The following JADE2 variants were observed in gnomAD, a reference collection of about 807,000 sequenced individuals.
JADE2 encodes jade family PHD finger 2.
In JADE2, 13 loss-of-function variants were observed where a neutral mutation model predicts 85.7. That is an observed-to-expected ratio of 0.15 (90% CI 0.10 to 0.24). The LOEUF is 0.24. Among genes scored for constraint, JADE2 ranks in the 10% least tolerant of loss-of-function variants. The pLI is 1.00. For missense variants in JADE2, 846 were observed against 1,115.9 expected, an observed-to-expected ratio of 0.76 and a Z score of 3.45; for synonymous variants, 440 against 456.1, an observed-to-expected ratio of 0.96 and a Z score of 0.45.
upstream of JADE2, among the ~76,000 whole-genome samples, chr5:134,524,848 C>T (rs765132522): frequency 2.0e-5 from 3 of 152,222 alleles, no homozygotes; most frequent in Non-Finnish European, 4.4e-5. Context: ...GGCCGCGCCC[C>T]CTCCCCAAGA....
chr5:134,554,539 T>A (rs2149946634), intron 4 of JADE2, among the ~76,000 whole-genome samples: 1 of 152,342 alleles, frequency 6.6e-6, no homozygotes, highest in Admixed American at 6.5e-5. Flanking sequence ...TTGGCTTCAG[T>A]CTGCCTGTAG....
At chr5:134,537,314 C>T (rs1761656246) in intron 2 of JADE2, among the ~76,000 whole-genome samples, 1 of 152,234 alleles carries the variant, frequency 6.6e-6, no homozygotes, top group Admixed American at 6.5e-5. Flanking sequence ...TGTCATCCAG[C>T]AAGGGCCTTA....
intron 3 of JADE2, among the ~76,000 whole-genome samples, chr5:134,548,233 A>G (rs1203921605): frequency 6.6e-6 from 1 of 151,666 alleles, no homozygotes; most frequent in South Asian, 2.1e-4. Context: ...TGGAGAAGTC[A>G]CCTGATTTGG....
At position 134,543,039 on chromosome 5, in the gene JADE2, C is replaced by CT. The variant is rs60959964; in HGVS notation, c.153+4969dup. Among the ~76,000 whole-genome samples the CT allele has an allele frequency of 4.3e-3, 609 of 141,234 alleles. 3 individuals carry two copies. Among genetic ancestry groups the CT allele is most frequent in the African/African-American group, 0.012 (467 of 38,480 alleles). The allele number at this position is 141,234 out of a possible 152,430, so 92.7% of individuals were successfully genotyped here. On this transcript the variant is annotated intron_variant, in intron 3 of 11. Transcript: ENST00000681547. ...ACCGCACCTGGCCAGTACCTGTACT[C>CT]TTTTTTTTTTTTTGAGACGGAGTCT...
chr5:134,560,876 C>G lies in JADE2; in HGVS notation c.603C>G (p.Val201=), dbSNP rs12054699. 1 of 1,614,132 alleles carries G rather than the reference C, an allele frequency of 6.2e-7. No homozygotes were observed. Among genetic ancestry groups the G allele is most frequent in the African/African-American group, 1.3e-5 (1 of 74,938 alleles). Residue 201 remains valine, a synonymous_variant, in exon 6 of 12, where the codon GTC becomes GTG. Coordinates refer to ENST00000681547, the MANE Select transcript of JADE2 (RefSeq NM_001388185.1). ...GCATCGAGTACGACGAGGATGTTGT[C>G]TGCGACGTGTGTCGCTCTCCTGAGG... is the stretch of plus-strand genomic sequence containing the variant. ...GLGIEYDEDV[V]CDVCRSPEGE...
Position 134,525,739 on chromosome 5 carries a change from G to A in JADE2, c.-273G>A, listed in dbSNP as rs756482588. 7.3e-6 allele frequency: 9 copies of A among 1,232,154 alleles called. No homozygotes were observed. In the South Asian group the frequency reaches 1.1e-4, roughly 15 times the overall value. The allele number at this position is 1,232,154 out of a possible 1,614,324, so 76.3% of individuals were successfully genotyped here. ...TCGCAGTTGGAGGCTATTTTTTGGG[G>A]GGGGTGAGTAGCGTCCATGGAGTTA... On this transcript the variant is annotated 5_prime_UTR_variant, in exon 1 of 12. Coordinates refer to ENST00000681547, the MANE Select transcript of JADE2 (RefSeq NM_001388185.1).
In JADE2 at chr5:134,578,386, G is replaced by C. The variant is rs1317016515; in HGVS notation, c.1682-108G>C. The C allele has an allele frequency of 1.2e-6, 1 of 831,592 alleles. No individual in the cohort carries two copies. The highest frequency in any genetic ancestry group is 1.7e-5 in the South Asian group (1 of 60,210). 51.5% of individuals were successfully genotyped at this position (831,592 alleles called of 1,614,324 possible). On this transcript the variant is annotated intron_variant, in intron 11 of 11. Coordinates refer to ENST00000681547, the MANE Select transcript of JADE2 (RefSeq NM_001388185.1). This position sits in a 1 kb window ranked among gnomAD's most constrained non-coding sequence, Gnocchi z 4.4. ...AGCTCACCTGGGTCTGGCACAGGGG[G>C]ACAGAGAGAAGACGATGCCTGGTGG...
chr5:134,565,048 C>T (rs868552940), intron 8 of JADE2, among the ~76,000 whole-genome samples: 2 of 152,140 alleles, frequency 1.3e-5, no homozygotes, highest in African/African-American at 2.4e-5. Flanking sequence ...GTCTAGCATG[C>T]GTCAGAATTA....
chr5:134,543,401 G>T (rs959344750), intron 3 of JADE2, among the ~76,000 whole-genome samples: 6 of 151,384 alleles, frequency 4.0e-5, no homozygotes, highest in African/African-American at 1.5e-4. Context: ...GGCCCGGTGC[G>T]GTGGCTCATG....
At chr5:134,570,588 T>C (rs1383875741) in intron 9 of JADE2, among the ~76,000 whole-genome samples, 1 of 152,156 alleles carries the variant, frequency 6.6e-6, no homozygotes, top group Admixed American at 6.5e-5. Flanking sequence ...TCCCAGAGCC[T>C]GCCACCTGGG....
At chr5:134,553,364 T>C (rs1762714283) in intron 4 of JADE2, among the ~76,000 whole-genome samples, 2 of 150,702 alleles carry the variant, frequency 1.3e-5, no homozygotes, top group African/African-American at 2.4e-5. Context: ...ATTCTTTTCT[T>C]TTTTTTTTGA....
intron 7 of JADE2, among the ~76,000 whole-genome samples, chr5:134,563,575 A>G (rs973245333): frequency 6.6e-6 from 1 of 152,214 alleles, no homozygotes; most frequent in Non-Finnish European, 1.5e-5. Flanking sequence ...ACTGACTCAG[A>G]TTGAGGCCCC....
intron 4 of JADE2, among the ~76,000 whole-genome samples, chr5:134,556,230 G>A (rs530168002): frequency 8.5e-5 from 13 of 152,322 alleles, no homozygotes; most frequent in Admixed American, 2.6e-4. Context: ...CTGGCCAGAT[G>A]GAGGCCAGGC....
chr5:134,555,732 T>C (rs1037570999), intron 4 of JADE2, among the ~76,000 whole-genome samples: 5 of 152,236 alleles, frequency 3.3e-5, no homozygotes, highest in African/African-American at 1.2e-4. Flanking sequence ...AATTACAGGC[T>C]GCATTTTTAA....
intron 4 of JADE2, among the ~76,000 whole-genome samples, chr5:134,554,299 G>C (rs1319341307): frequency 6.6e-6 from 1 of 152,086 alleles, no homozygotes; most frequent in Admixed American, 6.5e-5. Flanking sequence ...GAGAATCAGG[G>C]GTGCCCCAGG....
chr5:134,537,950 G>T, intron 2 of JADE2, 39 bp from the exon 3 acceptor site: 1 of 1,490,818 alleles, frequency 6.7e-7, no homozygotes, highest in Non-Finnish European at 9.3e-7. Context: ...GGTGCTCCTG[G>T]CCCTCCAGGA....
intron 3 of JADE2, among the ~76,000 whole-genome samples, chr5:134,549,843 C>T (rs999572615): frequency 2.4e-4 from 36 of 152,314 alleles, no homozygotes; most frequent in African/African-American, 8.2e-4. Context: ...TGGGATGATG[C>T]AGCACTTGGC....
chr5:134,525,476 C>T (rs1440890379), upstream of JADE2, among the ~76,000 whole-genome samples: 1 of 150,752 alleles, frequency 6.6e-6, no homozygotes, highest in African/African-American at 2.4e-5. Flanking sequence ...CTGGACTCCC[C>T]GCCGGAGCCA....
At chr5:134,573,798 TGTGC>T in intron 10 of JADE2, 36 bp downstream of exon 10, 1 of 1,254,852 alleles carries the variant, frequency 8.0e-7, no homozygotes, top group Non-Finnish European at 1.2e-6. Flanking sequence ...GCCACCTCCC[TGTGC>T]CCTCTCTTGC....
Sources: allele counts gnomAD v4.1 joint callset (sites outside exome capture counted in the v4.1 genomes callset), GRCh38; gene constraint gnomAD v4.1.1; non-coding constraint Gnocchi (gnomAD v3.1); transcripts MANE v1.5; gene names NCBI Gene and HGNC (gene_info 2026-07-23, HGNC 2026-07-21).